FRMD4A: variants seen among roughly 807,000 people sequenced by gnomAD.
FRMD4A encodes FERM domain containing 4A.
FRMD4A carries 29 observed loss-of-function variants against 129.1 expected under a neutral mutation model. The ratio of observed to expected loss-of-function variants is 0.22; its 90% CI spans 0.17 to 0.31. The LOEUF (loss-of-function observed/expected upper bound fraction) is 0.31. Among genes scored for constraint, FRMD4A ranks in the 10% least tolerant of loss-of-function variants. The pLI is 1.00. For missense variants in FRMD4A, 1,272 were observed against 1,375.8 expected (o/e 0.92, Z 1.19); for synonymous variants, 634 against 571.6 (o/e 1.11, Z -1.56).
At chr10:13,813,848 T>C (rs1013780520) in intron 3 of FRMD4A, among the ~76,000 whole-genome samples, 3 of 152,272 alleles carry the variant, frequency 2.0e-5, no homozygotes, top group Non-Finnish European at 4.4e-5. Context: ...ACATTGCTTT[T>C]GCACCAGTGT....
At chr10:14,048,781 G>C (rs1238389464) in intron 2 of FRMD4A, among the ~76,000 whole-genome samples, 1 of 151,450 alleles carries the variant, frequency 6.6e-6, no homozygotes, top group Admixed American at 6.6e-5. Context: ...ACTCCAGCCT[G>C]GGTGACAGAG....
intron 2 of FRMD4A, among the ~76,000 whole-genome samples, chr10:14,212,079 AG>A (rs1247231934): frequency 6.6e-6 from 1 of 152,062 alleles, no homozygotes; most frequent in Non-Finnish European, 1.5e-5. Context: ...CTGCAGAAAA[AG>A]TGTCCCAGGG....
chr10:13,736,926 G>A (rs930860619), intron 12 of FRMD4A, among the ~76,000 whole-genome samples: 6 of 152,120 alleles, frequency 3.9e-5, no homozygotes, highest in South Asian at 2.1e-4. Flanking sequence ...AAATTCAAAC[G>A]TTGTATCCCT....
chr10:13,965,165 T>C (rs1032926545), intron 2 of FRMD4A, among the ~76,000 whole-genome samples: 5 of 151,920 alleles, frequency 3.3e-5, no homozygotes, highest in African/African-American at 1.2e-4. Context: ...CATTGCCATC[T>C]GTAATCAAGT....
chr10:13,832,400 C>T (rs541038169), intron 3 of FRMD4A, among the ~76,000 whole-genome samples: 1 of 152,262 alleles, frequency 6.6e-6, no homozygotes, highest in African/African-American at 2.4e-5. Context: ...GAGGTCTGTG[C>T]GGAAATGTCA....
chr10:13,993,655 G>A (rs897893013), intron 2 of FRMD4A, among the ~76,000 whole-genome samples: 3 of 152,166 alleles, frequency 2.0e-5, no homozygotes, highest in African/African-American at 4.8e-5. Flanking sequence ...ATATTAATAA[G>A]TTGTTCTATC....
chr10:14,058,481 A>T (rs9783224), intron 2 of FRMD4A, among the ~76,000 whole-genome samples: 7,636 of 152,296 alleles, frequency 0.05, 321 homozygotes, highest in East Asian at 0.13. Flanking sequence ...GATGTTTTTT[A>T]AATAACATCC....
At chr10:14,253,013 T>C (rs1288104282) in intron 2 of FRMD4A, among the ~76,000 whole-genome samples, 1 of 152,230 alleles carries the variant, frequency 6.6e-6, no homozygotes, top group Non-Finnish European at 1.5e-5. Flanking sequence ...GTTATAACCT[T>C]TTATTATACA....
chr10:14,013,786 C>G (rs1588771344), intron 2 of FRMD4A, among the ~76,000 whole-genome samples: 1 of 152,224 alleles, frequency 6.6e-6, no homozygotes, highest in East Asian at 1.9e-4. Flanking sequence ...ACAAAATTAG[C>G]CAGGTGTGGT....
At chr10:14,172,169 A>G (rs1472006614) in intron 2 of FRMD4A, among the ~76,000 whole-genome samples, 1 of 152,202 alleles carries the variant, frequency 6.6e-6, no homozygotes, top group Non-Finnish European at 1.5e-5. Context: ...AAATAAAAAG[A>G]CTAAAAAAGA....
Position 14,217,241 on chromosome 10 carries a change from T to C in FRMD4A, c.45+112817A>G, listed in dbSNP as rs540391320. ...CCCTAGGGAGCCCATGATTTCTACT[T>C]TGGACCACTGAAATGGTTTGGCCAT... On this transcript the variant is annotated intron_variant, in intron 2 of 24. Coordinates refer to ENST00000357447, the MANE Select transcript of FRMD4A (RefSeq NM_018027.5). Among the ~76,000 whole-genome samples, 9 of 152,360 alleles carry C rather than the reference T, an allele frequency of 5.9e-5. No homozygotes were observed. The East Asian group carries it at 1.2e-3, about 20-fold the overall frequency.
At chr10:14,101,877 C>A (rs1220661447) in intron 2 of FRMD4A, among the ~76,000 whole-genome samples, 1 of 152,142 alleles carries the variant, frequency 6.6e-6, no homozygotes, top group African/African-American at 2.4e-5. Flanking sequence ...TTGGGATATC[C>A]TCTCAGGAGC....
At position 13,930,988 on chromosome 10, in the gene FRMD4A, G is replaced by C. The variant is rs1017303059; in HGVS notation, c.46-72076C>G. 2.0e-5 allele frequency among the ~76,000 whole-genome samples: 3 copies of C among 151,972 alleles called. No homozygotes were observed. The South Asian group carries it at 6.2e-4, about 32-fold the overall frequency. The stretch of plus-strand genomic sequence containing the variant: ...GCTGGGACTACAGGTGCACACCACC[G>C]TACCTAGCTAATGTTTAGAAACTTT... On this transcript the variant is annotated intron_variant, in intron 2 of 24. Coordinates refer to ENST00000357447, the MANE Select transcript of FRMD4A (RefSeq NM_018027.5).
At chr10:14,191,668 T>C (rs190416737) in intron 2 of FRMD4A, among the ~76,000 whole-genome samples, 5 of 152,338 alleles carry the variant, frequency 3.3e-5, no homozygotes, top group African/African-American at 1.2e-4. Flanking sequence ...TCTTTAACTA[T>C]AGGGCCGTTG....
At chr10:13,884,114 ACACACACT>A (rs1447710205) in intron 2 of FRMD4A, among the ~76,000 whole-genome samples, 4 of 112,530 alleles carry the variant, frequency 3.6e-5, no homozygotes, top group African/African-American at 1.6e-4. Context: ...ACACACACAC[ACACACACT>A]CACACACACG....
At chr10:13,893,797 C>T (rs535237390) in intron 2 of FRMD4A, among the ~76,000 whole-genome samples, 2 of 152,216 alleles carry the variant, frequency 1.3e-5, no homozygotes, top group South Asian at 4.1e-4. Flanking sequence ...AGGCGTGAGC[C>T]ACCGCACCCA....
At chr10:13,917,581 T>A (rs923526880) in intron 2 of FRMD4A, among the ~76,000 whole-genome samples, 2 of 152,178 alleles carry the variant, frequency 1.3e-5, no homozygotes, top group African/African-American at 4.8e-5. Context: ...TGAGTCACCA[T>A]GCCCGGCCCA....
chr10:13,676,045 T>C (rs2083952352), intron 15 of FRMD4A: 2 of 152,086 alleles, frequency 1.3e-5, no homozygotes, highest in South Asian at 2.1e-4. Context: ...ATAGGAAACC[T>C]TGTGGAAGGC....
At chr10:13,972,442 G>T in intron 2 of FRMD4A, 1 of 291,832 alleles carries the variant, frequency 3.4e-6, no homozygotes, top group Non-Finnish European at 5.1e-6. Flanking sequence ...GGTTGGGATT[G>T]AAATGGCTGG....
Sources: allele counts gnomAD v4.1 joint callset (sites outside exome capture counted in the v4.1 genomes callset), GRCh38; gene constraint gnomAD v4.1.1; transcripts MANE v1.5; gene names NCBI Gene and HGNC (gene_info 2026-07-23, HGNC 2026-07-21).